Variants in ABLIM1 observed in about 807,000 individuals in gnomAD.
ABLIM1 encodes actin-binding LIM protein 1.
ABLIM1 carries 40 observed loss-of-function variants against 107.0 expected under a neutral mutation model. The observed-to-expected ratio is 0.37, with a 90% CI of 0.29 to 0.49. ABLIM1 has a LOEUF of 0.49. Among genes scored for constraint, ABLIM1 ranks in the 20% least tolerant of loss-of-function variants. The pLI, the probability that ABLIM1 is intolerant of heterozygous loss-of-function variation, is 0.97. For synonymous variants in ABLIM1, 357 were observed against 357.3 expected (o/e 1.00, Z 0.01); for missense variants, 857 against 1,008.5 (o/e 0.85, Z 2.04).
intron 1 of ABLIM1, among the ~76,000 whole-genome samples, chr10:114,704,298 CTCTCTATATATATA>C (rs1363022711): frequency 8.0e-4 from 23 of 28,748 alleles, no homozygotes; most frequent in African/African-American, 1.7e-3. Context: ...CTCTCTCTCT[CTCTCTATATATATA>C]TATATATATA....
chr10:114,649,636 C>T (rs952318425), intron 1 of ABLIM1, among the ~76,000 whole-genome samples: 1 of 152,016 alleles, frequency 6.6e-6, no homozygotes, highest in African/African-American at 2.4e-5. Flanking sequence ...TGCTGGCTAC[C>T]TCTACACGCC....
At chr10:114,439,953 A>G in intron 20 of ABLIM1, 129 bp downstream of exon 20, 1 of 1,492,160 alleles carries the variant, frequency 6.7e-7, no homozygotes, top group Non-Finnish European at 9.1e-7. Context: ...CTATAGAGTA[A>G]TGACTAGAGA....
intron 7 of ABLIM1, among the ~76,000 whole-genome samples, chr10:114,488,500 A>G (rs1178748506): frequency 6.6e-6 from 1 of 152,268 alleles, no homozygotes; most frequent in African/African-American, 2.4e-5. Flanking sequence ...CATTGATTCA[A>G]TTATACATAG....
At chr10:114,592,650 A>G (rs144738826) in intron 2 of ABLIM1, among the ~76,000 whole-genome samples, 150 of 152,268 alleles carry the variant, frequency 9.9e-4, no homozygotes, top group African/African-American at 3.2e-3. Context: ...GGCAAGAGGT[A>G]ATGGTGGCTT....
chr10:114,719,368 C>T (rs755469249), intron 1 of ABLIM1, among the ~76,000 whole-genome samples: 1 of 152,162 alleles, frequency 6.6e-6, no homozygotes, highest in Non-Finnish European at 1.5e-5. Context: ...TATTCACCTA[C>T]GAACTGAAGG....
chr10:114,626,932 C>T (rs1162503168), intron 1 of ABLIM1, among the ~76,000 whole-genome samples: 1 of 152,108 alleles, frequency 6.6e-6, no homozygotes, highest in African/African-American at 2.4e-5. Context: ...CCAAAGATTA[C>T]CAGCAAACCT....
chr10:114,459,928 T>C (rs1589907190), intron 12 of ABLIM1, among the ~76,000 whole-genome samples: 2 of 152,156 alleles, frequency 1.3e-5, no homozygotes, highest in South Asian at 4.1e-4. Context: ...TAAAGCACCA[T>C]TTAGGAACAT....
intron 2 of ABLIM1, among the ~76,000 whole-genome samples, chr10:114,579,319 C>T (rs1390613606): frequency 2.6e-5 from 4 of 152,126 alleles, no homozygotes; most frequent in Non-Finnish European, 5.9e-5. Context: ...ATGAATTTAG[C>T]CCTCTGGATT....
At chr10:114,652,532 C>T (rs1413197) in intron 1 of ABLIM1, among the ~76,000 whole-genome samples, 1 of 152,174 alleles carries the variant, frequency 6.6e-6, no homozygotes, top group Non-Finnish European at 1.5e-5. Flanking sequence ...CAGCAGGTGC[C>T]TGAATCAGAC....
chr10:114,483,609 A>T (rs990754046), intron 8 of ABLIM1, among the ~76,000 whole-genome samples: 2 of 152,184 alleles, frequency 1.3e-5, no homozygotes, highest in African/African-American at 4.8e-5. Flanking sequence ...GAGGAAACTC[A>T]GGGGGTTGAC....
At chr10:114,665,999 A>G (rs1382780334) in intron 1 of ABLIM1, among the ~76,000 whole-genome samples, 2 of 152,258 alleles carry the variant, frequency 1.3e-5, no homozygotes, top group Non-Finnish European at 2.9e-5. Context: ...ACAGAGAGAC[A>G]ATACCTTTTC....
chr10:114,489,107 T>C (rs1248632901), intron 7 of ABLIM1, among the ~76,000 whole-genome samples: 2 of 152,080 alleles, frequency 1.3e-5, no homozygotes, highest in South Asian at 4.2e-4. Flanking sequence ...AACCTCTGCC[T>C]CTCAGGTTCA....
chr10:114,740,308 A>C (rs1256779813), intron 1 of ABLIM1, among the ~76,000 whole-genome samples: 2 of 152,216 alleles, frequency 1.3e-5, no homozygotes, highest in African/African-American at 4.8e-5. Flanking sequence ...AGCATATGCT[A>C]CATACAAGCA....
At chr10:114,679,524 A>G (rs2080646165) in intron 1 of ABLIM1, among the ~76,000 whole-genome samples, 1 of 151,394 alleles carries the variant, frequency 6.6e-6, no homozygotes, top group Non-Finnish European at 1.5e-5. Flanking sequence ...GGTCCCAGCT[A>G]CTCAGGAGGC....
chr10:114,731,833 C>T (rs2082080286), intron 1 of ABLIM1, among the ~76,000 whole-genome samples: 1 of 152,154 alleles, frequency 6.6e-6, no homozygotes, highest in African/African-American at 2.4e-5. Flanking sequence ...TGGTCTTGAA[C>T]CCCTGGCCTC....
At chr10:114,711,835 C>T (rs892604931) in intron 1 of ABLIM1, among the ~76,000 whole-genome samples, 2 of 152,136 alleles carry the variant, frequency 1.3e-5, no homozygotes, top group African/African-American at 4.8e-5. Context: ...ATACCCCAAC[C>T]ACACTCTCCT....
intron 1 of ABLIM1, among the ~76,000 whole-genome samples, chr10:114,712,467 A>C (rs2081575018): frequency 6.6e-6 from 1 of 152,144 alleles, no homozygotes; most frequent in Non-Finnish European, 1.5e-5. Flanking sequence ...TTTCAAGCCA[A>C]CATAATAAAT....
chr10:114,654,497 A>C (rs561692880), intron 1 of ABLIM1, among the ~76,000 whole-genome samples: 1 of 152,156 alleles, frequency 6.6e-6, no homozygotes, highest in East Asian at 1.9e-4. Flanking sequence ...TTTAAAATTG[A>C]GATAGGGTCT....
At chr10:114,682,442 G>C (rs1480002002) in intron 1 of ABLIM1, among the ~76,000 whole-genome samples, 1 of 152,106 alleles carries the variant, frequency 6.6e-6, no homozygotes, top group Non-Finnish European at 1.5e-5. Context: ...TGTAAGCAGG[G>C]TCAGACTTAT....
Sources: gnomAD v4.1 joint callset for allele counts (sites outside exome capture counted in the v4.1 genomes callset) on GRCh38, gnomAD v4.1.1 for gene constraint, MANE v1.5 for transcripts, NCBI Gene and HGNC (gene_info 2026-07-23, HGNC 2026-07-21) for gene names.